CDKN2B-AS1: variants seen among roughly 807,000 people sequenced by gnomAD.
CDKN2B-AS1 encodes the protein CDKN2B and CDKN2A antisense cis and trans regulatory RNA 1.
At chr9:22,013,493 C>A (rs1215844277) in intron 1 of CDKN2B-AS1, among the ~76,000 whole-genome samples, 1 of 152,030 alleles carries the variant, frequency 6.6e-6, no homozygotes. Flanking sequence ...ACCTTGTCGA[C>A]CAGGCTGGAG....
At position 22,000,854 on chromosome 9, in the gene CDKN2B-AS1, A is replaced by C. The variant is rs1820888006; in HGVS notation, n.29+5693A>C. Among the ~76,000 whole-genome samples, 1 of 152,200 alleles carries C rather than the reference A, an allele frequency of 6.6e-6. No homozygotes were observed. The highest frequency in any genetic ancestry group is 1.5e-5 in the Non-Finnish European group (1 of 68,022). On this transcript the variant is annotated intron_variant and non_coding_transcript_variant, in intron 1 of 4. Coordinates refer to ENST00000650946, the Ensembl canonical transcript of CDKN2B-AS1. This position sits in a 1 kb window ranked among gnomAD's most constrained non-coding sequence, Gnocchi z 4.1. Reference sequence around the variant, plus strand: ...AGAGAAACCCGAAGAACAATGGATTATCCTTACATATTTGGTTTGGGATTA... The same window carrying C: ...AGAGAAACCCGAAGAACAATGGATTCTCCTTACATATTTGGTTTGGGATTA...
At chr9:22,027,881 A>G (rs1822306024) in intron 1 of CDKN2B-AS1, among the ~76,000 whole-genome samples, 1 of 152,224 alleles carries the variant, frequency 6.6e-6, no homozygotes, top group African/African-American at 2.4e-5. Context: ...AGGAATAATT[A>G]AAAGAGGCTA....
At chr9:22,126,627 C>T (rs2131379350) in intron 4 of CDKN2B-AS1, among the ~76,000 whole-genome samples, 1 of 135,856 alleles carries the variant, frequency 7.4e-6, no homozygotes, top group East Asian at 2.2e-4. Context: ...AGGCCGACTG[C>T]AGTGGCGCTA....
chr9:22,076,320 T>A (rs1824490418), intron 4 of CDKN2B-AS1, among the ~76,000 whole-genome samples: 1 of 151,984 alleles, frequency 6.6e-6, no homozygotes, highest in South Asian at 2.1e-4. Flanking sequence ...TCCCAAAGTG[T>A]GGGATTACAG....
intron 4 of CDKN2B-AS1, chr9:22,113,675 A>G (rs940563143): frequency 1.3e-5 from 2 of 152,164 alleles, no homozygotes; most frequent in Admixed American, 1.3e-4. Flanking sequence ...GGATCTTAAC[A>G]TAGACGTAAG....
intron 4 of CDKN2B-AS1, among the ~76,000 whole-genome samples, chr9:22,109,461 C>T (rs1045719411): frequency 6.6e-6 from 1 of 152,148 alleles, no homozygotes; most frequent in African/African-American, 2.4e-5. Flanking sequence ...GTGCCTAGTA[C>T]AGAGCTTTTA....
intron 1 of CDKN2B-AS1, among the ~76,000 whole-genome samples, chr9:22,017,818 G>GCCCA (rs201773928): frequency 0.022 from 3,371 of 152,274 alleles, 93 homozygotes; most frequent in African/African-American, 0.062. Flanking sequence ...ATGCAAAGAG[G>GCCCA]TGTTGCATTA....
chr9:22,009,227 G>T (rs1171842455), intron 1 of CDKN2B-AS1: 4 of 580,680 alleles, frequency 6.9e-6, no homozygotes, highest in Non-Finnish European at 1.2e-5. Context: ...CGCGGACGCA[G>T]CCGAGCTCAA....
intron 1 of CDKN2B-AS1, among the ~76,000 whole-genome samples, chr9:22,028,855 A>C (rs1253945422): frequency 2.2e-4 from 34 of 152,204 alleles, no homozygotes; most frequent in Non-Finnish European, 2.9e-5. Flanking sequence ...GCATGATACA[A>C]ATAAATTACT....
chr9:22,048,306 T>A (rs190386040), intron 2 of CDKN2B-AS1, among the ~76,000 whole-genome samples: 1 of 152,070 alleles, frequency 6.6e-6, no homozygotes, highest in Non-Finnish European at 1.5e-5. Flanking sequence ...AAGGGAGAGA[T>A]CTGGTTAAAG....
chr9:22,090,688 G>T (rs544965126), intron 4 of CDKN2B-AS1, among the ~76,000 whole-genome samples: 5 of 151,550 alleles, frequency 3.3e-5, no homozygotes, highest in African/African-American at 1.2e-4. Context: ...TTTTTTTCTT[G>T]TAAATTTGTT....
At chr9:22,046,630 A>G (rs1823119996) in intron 1 of CDKN2B-AS1, 1 of 152,198 alleles carries the variant, frequency 6.6e-6, no homozygotes, top group Non-Finnish European at 1.5e-5. Flanking sequence ...TCTCTGCTTC[A>G]TACACTATCC....
chr9:22,071,904 C>T (rs968847968), intron 4 of CDKN2B-AS1, among the ~76,000 whole-genome samples: 1 of 152,140 alleles, frequency 6.6e-6, no homozygotes, highest in Non-Finnish European at 1.5e-5. Context: ...AAGCATTAAA[C>T]AATGCCTTTT....
chr9:22,109,442 A>G (rs1283554590), intron 4 of CDKN2B-AS1, among the ~76,000 whole-genome samples: 1 of 152,198 alleles, frequency 6.6e-6, no homozygotes, highest in Admixed American at 6.5e-5. Context: ...ACTTTTCATC[A>G]AATTCCTAGT....
rs529221944 is a variant in CDKN2B-AS1, at chr9:22,045,545, A to AT, written n.30-1196dup. On this transcript the variant is annotated intron_variant and non_coding_transcript_variant, in intron 1 of 4. Coordinates refer to ENST00000650946, the Ensembl canonical transcript of CDKN2B-AS1. ...TAGTTTAGCTTCACTAAACTAGTCA[A>AT]TTTTTTTTTTCTAAACATCAATGCT... 2.5e-4 allele frequency among the ~76,000 whole-genome samples: 38 copies of AT among 150,602 alleles called. 1 individual carries two copies. The highest frequency in any genetic ancestry group is 3.6e-4 in the African/African-American group (15 of 41,106).
At chr9:22,066,920 A>AT (rs1037615266) in intron 4 of CDKN2B-AS1, among the ~76,000 whole-genome samples, 41 of 152,244 alleles carry the variant, frequency 2.7e-4, no homozygotes, top group African/African-American at 9.6e-4. Context: ...TTGTAGGGAC[A>AT]TGGATGAAGC....
chr9:22,009,513 A>C (rs529804415), intron 1 of CDKN2B-AS1: 2 of 235,562 alleles, frequency 8.5e-6, no homozygotes, highest in Non-Finnish European at 1.7e-5. Context: ...TGCTGGCTGC[A>C]CTGCTCGCTG....
In CDKN2B-AS1 at chr9:22,100,230, T is replaced by G. The variant is rs1433122722; in HGVS notation, n.439-26873T>G. Among the ~76,000 whole-genome samples the G allele has an allele frequency of 2.6e-5, 4 of 152,308 alleles. No homozygotes were observed. In the East Asian group the frequency reaches 7.7e-4, roughly 29 times the overall value. ...AATTCAGTGATTTTTAGTAGAGTCA[T>G]TGAGTAGTGTAACCATTCCTACAAT... is the stretch of plus-strand genomic sequence containing the variant. On this transcript the variant is annotated intron_variant and non_coding_transcript_variant, in intron 4 of 4. Transcript: ENST00000650946.
intron 4 of CDKN2B-AS1, among the ~76,000 whole-genome samples, chr9:22,115,651 A>G (rs1444270860): frequency 6.6e-6 from 1 of 152,002 alleles, no homozygotes; most frequent in Non-Finnish European, 1.5e-5. Context: ...TACATGGGGT[A>G]GCAAGGGGTG....
Sources: allele counts gnomAD v4.1 joint callset (sites outside exome capture counted in the v4.1 genomes callset), GRCh38; gene constraint gnomAD v4.1.1; non-coding constraint Gnocchi (gnomAD v3.1); transcripts MANE v1.5; gene names NCBI Gene and HGNC (gene_info 2026-07-23, HGNC 2026-07-21).